APBB1: variants seen among roughly 807,000 people sequenced by gnomAD.
APBB1 encodes amyloid beta precursor protein binding family B member 1.
Under a neutral mutation model 78.4 loss-of-function variants are expected in APBB1, and 22 were observed. That is an observed-to-expected ratio of 0.28 (90% CI 0.20 to 0.40). APBB1 has a LOEUF of 0.40. Among genes scored for constraint, APBB1 ranks in the 10% least tolerant of loss-of-function variants. The probability of loss-of-function intolerance (pLI) is 1.00; values close to 1 mark genes in which losing one functional copy is unlikely to be tolerated. For synonymous variants in APBB1, 369 were observed against 372.7 expected (o/e 0.99, Z 0.12); for missense variants, 749 against 932.4 (o/e 0.80, Z 2.56).
chr11:6,400,624 C>T (rs772938819), intron 12 of APBB1, among the ~76,000 whole-genome samples: 3 of 152,168 alleles, frequency 2.0e-5, no homozygotes, highest in Non-Finnish European at 4.4e-5. Flanking sequence ...ATGCTCCCAG[C>T]CCACAGCTGG....
chr11:6,407,829 G>T (rs1297759374), intron 2 of APBB1, among the ~76,000 whole-genome samples: 5 of 150,328 alleles, frequency 3.3e-5, no homozygotes, highest in African/African-American at 1.2e-4. Flanking sequence ...CCGGACTGCG[G>T]ACTGCAGTGG....
At position 6,402,887 on chromosome 11, in the gene APBB1, A is replaced by G. The variant is rs1033181101; in HGVS notation, c.1105-162T>C. 23 of 901,830 alleles carry G rather than the reference A, an allele frequency of 2.6e-5. No homozygotes were observed. The African/African-American group carries it at 3.6e-4, about 14-fold the overall frequency. The allele number at this position is 901,830 out of a possible 1,614,324, so 55.9% of individuals were successfully genotyped here. ...GAGGGGGATGTGGTTAGGGTGAGGG[A>G]GATGTCAGATGAGACCCCAGCTAGT... is the stretch of plus-strand genomic sequence containing the variant. On this transcript the variant is annotated intron_variant, in intron 6 of 14. Transcript: ENST00000609360.
rs1037925379 is a variant in APBB1 at position 6,410,437 on chromosome 11, G to A, written c.721+190C>T. Among the ~76,000 whole-genome samples, 4 of 152,138 alleles carry A rather than the reference G, an allele frequency of 2.6e-5. No individual in the cohort carries two copies. The East Asian group carries it at 5.8e-4, about 22-fold the overall frequency. ...GCATAATGAATAGATCCATCCATCC[G>A]GGCATGCATGATGGTCAGATCTACC... is the stretch of plus-strand genomic sequence containing the variant. On this transcript the variant is annotated intron_variant, in intron 2 of 14. Transcript: ENST00000609360.
At chr11:6,415,439 C>T (rs552096709) in intron 1 of APBB1, among the ~76,000 whole-genome samples, 1 of 152,342 alleles carries the variant, frequency 6.6e-6, no homozygotes, top group South Asian at 2.1e-4. Context: ...CAGCGGGAAA[C>T]AGTCATTGAA....
intron 6 of APBB1, 110 bp from the exon 7 acceptor site, chr11:6,402,835 G>C (rs1564938718): frequency 7.2e-7 from 1 of 1,382,660 alleles, no homozygotes; most frequent in South Asian, 1.3e-5. Flanking sequence ...AGACGGAGAA[G>C]CTCCCCAAAC....
intron 2 of APBB1, among the ~76,000 whole-genome samples, chr11:6,407,089 G>A (rs1376942534): frequency 2.0e-5 from 3 of 152,126 alleles, no homozygotes; most frequent in African/African-American, 7.2e-5. Context: ...CCTACAATAG[G>A]AAGGAGAATA....
At chr11:6,396,368 T>C (rs1848221962) in intron 12 of APBB1, 153 bp from the exon 13 acceptor site, 1 of 618,982 alleles carries the variant, frequency 1.6e-6, no homozygotes, top group African/African-American at 1.9e-5. Context: ...CAAGTATCCC[T>C]TCCCTGGGGC....
chr11:6,404,272 C>G (rs1848685406), intron 2 of APBB1, among the ~76,000 whole-genome samples: 1 of 152,214 alleles, frequency 6.6e-6, no homozygotes, highest in Non-Finnish European at 1.5e-5. Flanking sequence ...GTATGCAACA[C>G]AGAAAATGCC....
rs1848936286 is a variant in APBB1, at chr11:6,410,724, G to A, written c.624C>T (p.Leu208=). The change falls in exon 2 of 15, where the codon CTC becomes CTT. Residue 208 remains leucine (L), a synonymous_variant. Transcript: ENST00000609360. ...CTGCACTGTTCCGCATGCCAAACAG[G>A]AGGCTGGCACTCTTGCTGTGTTCCC... ...GPREHSKSAS[L]LFGMRNSAAS... 1 of 1,558,034 alleles carries A rather than the reference G, an allele frequency of 6.4e-7. No homozygotes were observed. The highest frequency in any genetic ancestry group is 1.9e-5 in the Admixed American group (1 of 53,128).
intron 2 of APBB1, chr11:6,404,148 T>C: frequency 2.8e-6 from 1 of 357,638 alleles, no homozygotes; most frequent in Non-Finnish European, 5.1e-6. Flanking sequence ...ACATATCTAT[T>C]ATCTCAGTTA....
At chr11:6,412,917 C>A (rs1032638582) in intron 1 of APBB1, among the ~76,000 whole-genome samples, 2 of 152,080 alleles carry the variant, frequency 1.3e-5, no homozygotes, top group African/African-American at 4.8e-5. Context: ...CCCCTCCAGA[C>A]CCCTCCCTCT....
intron 2 of APBB1, among the ~76,000 whole-genome samples, chr11:6,407,468 C>CCTA (rs1848841279): frequency 6.6e-6 from 1 of 152,232 alleles, no homozygotes. Flanking sequence ...TTGCAAACTT[C>CCTA]CAACCTACAA....
chr11:6,414,379 C>A (rs895485118), intron 1 of APBB1, among the ~76,000 whole-genome samples: 3 of 152,154 alleles, frequency 2.0e-5, no homozygotes, highest in Middle Eastern at 3.2e-3. Flanking sequence ...CTCACAACAC[C>A]CAGAACCACA....
intron 2 of APBB1, among the ~76,000 whole-genome samples, chr11:6,409,872 C>G (rs1281834222): frequency 6.6e-6 from 1 of 152,182 alleles, no homozygotes; most frequent in Non-Finnish European, 1.5e-5. Context: ...TTCTCCTCCC[C>G]CTACCCAAAG....
At chr11:6,419,097 G>A (rs1432133718), upstream of APBB1, 6 of 382,454 alleles carry the variant, frequency 1.6e-5, no homozygotes, top group South Asian at 1.3e-4. Context: ...CGCGGGCCGC[G>A]GGGCCGCGCC....
chr11:6,411,470 C>T lies in APBB1; in HGVS notation c.-14-109G>A. 1.1e-6 allele frequency: 1 copy of T among 941,836 alleles called. No homozygotes were observed. Among genetic ancestry groups the T allele is most frequent in the Non-Finnish European group, 1.6e-6 (1 of 642,664 alleles). 58.3% of individuals were successfully genotyped at this position (941,836 alleles called of 1,614,324 possible). A position where few individuals can be genotyped will look rare whatever the true frequency, so the allele number is the denominator to read the frequency against. ...TGCCTCCTCATCTCCCTGCACTAAG[C>T]AGGCTAGCACCCATGGCTCTCTATC... is the stretch of plus-strand genomic sequence containing the variant. On this transcript the variant is annotated intron_variant, in intron 1 of 14. Transcript: ENST00000609360. The surrounding 1 kb of genome is among the most constrained non-coding windows in gnomAD (Gnocchi z 5.2).
intron 2 of APBB1, chr11:6,404,810 G>A (rs750255977): frequency 3.7e-5 from 57 of 1,535,732 alleles, no homozygotes; most frequent in Non-Finnish European, 4.6e-5. Flanking sequence ...GCTCATTCCC[G>A]GCCCCTCCTG....
intron 2 of APBB1, among the ~76,000 whole-genome samples, chr11:6,407,624 G>T (rs1848845935): frequency 6.6e-6 from 1 of 152,182 alleles, no homozygotes; most frequent in Non-Finnish European, 1.5e-5. Flanking sequence ...GCTGCATTGA[G>T]ACTATATTTT....
In APBB1 at chr11:6,402,628, A is replaced by C; in HGVS notation, c.1202T>G (p.Leu401Arg). 6.2e-7 allele frequency: 1 copy of C among 1,613,754 alleles called. No individual in the cohort carries two copies. The highest frequency in any genetic ancestry group is 8.5e-7 in the Non-Finnish European group (1 of 1,179,946). The change falls in exon 7 of 15, where the codon CTC (leucine) becomes CGC (arginine). Residue 401 changes from leucine (L) to arginine (R), a missense_variant. This residue lies in a region of APBB1 where 635 missense variants were observed against 765.0 expected (regional missense o/e 0.83). Coordinates refer to ENST00000609360, the MANE Select transcript of APBB1 (RefSeq NM_001164.5). ...SVAVNNCIRQ[L>R]SYHKNNLHDP... ...ATGCAGGTTGTTTTTGTGGTAAGAG[A>C]GCTGACGGATGCAATTGTTGACTGC...
Sources: gnomAD v4.1 joint callset for allele counts (sites outside exome capture counted in the v4.1 genomes callset) on GRCh38, gnomAD v4.1.1 for gene constraint, gnomAD v4.1.1 regional missense constraint, Gnocchi (gnomAD v3.1) non-coding constraint, MANE v1.5 for transcripts, NCBI Gene and HGNC (gene_info 2026-07-23, HGNC 2026-07-21) for gene names.